ANXA6: variants seen among roughly 807,000 people sequenced by gnomAD.
ANXA6 encodes annexin A6.
In ANXA6, 71 loss-of-function variants were observed where a neutral mutation model predicts 95.4. The observed-to-expected ratio is 0.74, with a 90% CI of 0.61 to 0.91. The LOEUF (loss-of-function observed/expected upper bound fraction) is 0.91, where lower values mean the gene tolerates loss of function less well. Ranked by LOEUF, ANXA6 falls within the 40% of genes least tolerant of loss-of-function variation. The pLI is 0.00. For synonymous variants in ANXA6, 289 were observed against 315.9 expected, an observed-to-expected ratio of 0.91 and a Z score of 0.90; for missense variants, 830 against 876.4, an observed-to-expected ratio of 0.95 and a Z score of 0.67.
chr5:151,136,219 C>T, intron 7 of ANXA6, 37 bp downstream of exon 7: 2 of 1,606,926 alleles, frequency 1.2e-6, no homozygotes, highest in South Asian at 2.2e-5. Context: ...AAAAGCTATC[C>T]CAAGCTCCAG....
Position 151,133,186 on chromosome 5 carries a change from T to A in ANXA6, c.548A>T (p.Asp183Val). The change falls in exon 9 of 26, where the codon GAC (aspartate) becomes GTC (valine). Residue 183 changes from aspartate (D) to valine (V), a missense_variant and splice_region_variant. Physicochemically the swap from Asp to Val is radical, Grantham distance 152. Coordinates refer to ENST00000354546, the MANE Select transcript of ANXA6 (RefSeq NM_001155.5). ...TTTCAGTTCCCCTGCCTCGTATAGG[T>A]CCTGAAGGGGAAGAGGTGGCACTTG... ...SEDLVQQDVQDLYEAGELKWG... is the reference protein window; with the variant it reads ...SEDLVQQDVQVLYEAGELKWG... The A allele has an allele frequency of 6.3e-7, 1 of 1,577,006 alleles. No homozygotes were observed. The highest frequency in any genetic ancestry group is 8.6e-7 in the Non-Finnish European group (1 of 1,160,054).
chr5:151,118,261 CT>C (rs11452926), intron 18 of ANXA6, among the ~76,000 whole-genome samples: 2,781 of 142,314 alleles, frequency 0.02, 42 homozygotes, highest in African/African-American at 0.051. Context: ...AAAATGTAAA[CT>C]TTTTTTTTTT....
intron 20 of ANXA6, 90 bp downstream of exon 20, chr5:151,117,037 A>G: frequency 7.8e-7 from 1 of 1,274,260 alleles, no homozygotes; most frequent in Middle Eastern, 2.1e-4. Flanking sequence ...GCCTTCACTC[A>G]CAGACAGGGC....
Position 151,103,606 on chromosome 5 carries a change from A to G in ANXA6, c.1926T>C (p.Ile642=). ...IDLLNIRREF[I]EKYDKSLHQA... ...GGTGGAGAGACTTGTCATATTTCTC[A>G]ATGAATTCCCTCCGGATGTTGAGCA... The change falls in exon 25 of 26, where the codon ATT becomes ATC. Residue 642 remains isoleucine (I), a synonymous_variant. Coordinates refer to ENST00000354546, the MANE Select transcript of ANXA6 (RefSeq NM_001155.5). 6.2e-7 allele frequency: 1 copy of G among 1,612,346 alleles called. No individual in the cohort carries two copies. Among genetic ancestry groups the G allele is most frequent in the Non-Finnish European group, 8.5e-7 (1 of 1,179,260 alleles).
chr5:151,147,936 A>G lies in ANXA6; in HGVS notation c.-25-10T>C, dbSNP rs1766012039. On this transcript the variant is annotated splice_polypyrimidine_tract_variant and intron_variant, in intron 1 of 25. Transcript: ENST00000354546. ...TTCGCAGCAGAATCCACTGTAGAGA[A>G]GAAAGACAGCATGTGAGATTCCCCC... 2 of 1,601,130 alleles carry G rather than the reference A, an allele frequency of 1.2e-6. No homozygotes were observed. The highest frequency in any genetic ancestry group is 1.7e-6 in the Non-Finnish European group (2 of 1,173,460).
At chr5:151,117,223 C>T (rs1290491876) in intron 19 of ANXA6, 43 bp from the exon 20 acceptor site, 1 of 1,550,156 alleles carries the variant, frequency 6.5e-7, no homozygotes, top group Non-Finnish European at 8.8e-7. Flanking sequence ...CAAACATCGA[C>T]CCATCTCCAT....
At chr5:151,104,353 G>A (rs1438147429) in intron 24 of ANXA6, among the ~76,000 whole-genome samples, 2 of 152,384 alleles carry the variant, frequency 1.3e-5, no homozygotes, top group East Asian at 3.9e-4. Context: ...GAATGTGTGG[G>A]CAGCCAGAGC....
intron 2 of ANXA6, among the ~76,000 whole-genome samples, chr5:151,144,728 G>A (rs1317713725): frequency 7.2e-5 from 11 of 152,048 alleles, no homozygotes; most frequent in Admixed American, 7.2e-4. Context: ...TGATCCAAAC[G>A]CTCACTTAGA....
chr5:151,147,353 G>A (rs1377646753), intron 2 of ANXA6, among the ~76,000 whole-genome samples: 3 of 152,306 alleles, frequency 2.0e-5, no homozygotes, highest in East Asian at 1.9e-4. Flanking sequence ...GTTCAGGTGG[G>A]ACCAACTCCA....
chr5:151,139,818 A>G (rs1431861170), intron 3 of ANXA6, among the ~76,000 whole-genome samples: 3 of 152,212 alleles, frequency 2.0e-5, no homozygotes, highest in South Asian at 2.1e-4. Flanking sequence ...AAAGAAGAAC[A>G]TAAGCACCAC....
In ANXA6 at chr5:151,100,957, C is replaced by T. The variant is rs764791539; in HGVS notation, c.*491G>A. 5 of 456,868 alleles carry T rather than the reference C, an allele frequency of 1.1e-5. No homozygotes were observed. The highest frequency in any genetic ancestry group is 6.2e-5 in the South Asian group (4 of 64,572). 28.3% of individuals were successfully genotyped at this position (456,868 alleles called of 1,614,324 possible). ...CCAAATTCCTGGTCCAGTACTCTAG[C>T]GCGGCCTGGATGGAGATGGGTGGTG... On this transcript the variant is annotated 3_prime_UTR_variant, in exon 26 of 26. Transcript: ENST00000354546.
intron 1 of ANXA6, 54 bp downstream of exon 1, chr5:151,157,626 C>A (rs1300203938): frequency 1.3e-5 from 2 of 152,812 alleles, no homozygotes; most frequent in Non-Finnish European, 2.9e-5. Context: ...GTCCCTGCAG[C>A]CCCCGGGAAG....
At chr5:151,157,318 C>A (rs987453024) in intron 1 of ANXA6, among the ~76,000 whole-genome samples, 1 of 152,152 alleles carries the variant, frequency 6.6e-6, no homozygotes, top group Non-Finnish European at 1.5e-5. Flanking sequence ...TCCAGCTGAC[C>A]CCAACCCCGG....
intron 5 of ANXA6, among the ~76,000 whole-genome samples, chr5:151,137,987 G>T (rs962785840): frequency 6.6e-6 from 1 of 152,170 alleles, no homozygotes; most frequent in African/African-American, 2.4e-5. Context: ...TCTGTAAAAT[G>T]TAGATGATAT....
chr5:151,124,542 AG>A, intron 14 of ANXA6, among the ~76,000 whole-genome samples, 175 bp from the exon 15 acceptor site: 1 of 48,818 alleles, frequency 2.0e-5, no homozygotes, highest in Non-Finnish European at 3.8e-5. Flanking sequence ...GAGCTGAGAG[AG>A]AGAGAGAGAG....
chr5:151,124,106 C>T (rs146492376), intron 15 of ANXA6, among the ~76,000 whole-genome samples, 180 bp downstream of exon 15: 240 of 152,282 alleles, frequency 1.6e-3, no homozygotes, highest in South Asian at 7.0e-3. Flanking sequence ...TCCTTATGAA[C>T]CCTCTCCTGC....
intron 8 of ANXA6, 23 bp downstream of exon 8, chr5:151,134,404 G>A (rs193295621): frequency 5.0e-5 from 80 of 1,613,370 alleles, no homozygotes; most frequent in Admixed American, 2.0e-4. Context: ...GTGCCTCAGG[G>A]ACTTTCAGTG....
chr5:151,152,667 C>A (rs1214764504), intron 1 of ANXA6, among the ~76,000 whole-genome samples: 2 of 152,146 alleles, frequency 1.3e-5, no homozygotes, highest in South Asian at 2.1e-4. Flanking sequence ...AAGAGTATCA[C>A]CACTTTCCAA....
At chr5:151,119,430 G>T in intron 17 of ANXA6, 40 bp from the exon 18 acceptor site, 1 of 1,583,956 alleles carries the variant, frequency 6.3e-7, no homozygotes, top group Non-Finnish European at 8.7e-7. Context: ...CCATAGTTCT[G>T]ACCTCCTGTG....
Sources: gnomAD v4.1 joint callset for allele counts (sites outside exome capture counted in the v4.1 genomes callset) on GRCh38, gnomAD v4.1.1 for gene constraint, MANE v1.5 for transcripts, NCBI Gene and HGNC (gene_info 2026-07-23, HGNC 2026-07-21) for gene names.